Variants in MAP3K13 observed in about 807,000 individuals in gnomAD.
MAP3K13 encodes the protein mitogen-activated protein kinase kinase kinase 13.
In MAP3K13, 52 loss-of-function variants were observed where a neutral mutation model predicts 104.0. That is an observed-to-expected ratio of 0.50 (90% CI 0.40 to 0.63). The LOEUF (loss-of-function observed/expected upper bound fraction) is 0.63, where lower values mean the gene tolerates loss of function less well. MAP3K13 is among the 20% of genes least tolerant of loss of function. MAP3K13 has a pLI of 0.00. For missense variants in MAP3K13, 914 were observed against 1,218.5 expected, an observed-to-expected ratio of 0.75 and a Z score of 3.72; for synonymous variants, 394 against 442.2, an observed-to-expected ratio of 0.89 and a Z score of 1.37.
intron 2 of MAP3K13, among the ~76,000 whole-genome samples, chr3:185,313,294 G>C (rs1192499315): frequency 6.9e-6 from 1 of 144,534 alleles, no homozygotes; most frequent in Non-Finnish European, 1.5e-5. Flanking sequence ...TTTTGAAATG[G>C]AGTCGCACTC....
intron 2 of MAP3K13, among the ~76,000 whole-genome samples, chr3:185,328,365 T>C (rs1444171582): frequency 6.6e-6 from 1 of 152,170 alleles, no homozygotes; most frequent in Non-Finnish European, 1.5e-5. Context: ...AAAAGGAGCC[T>C]CAGCCTCCCG....
intron 1 of MAP3K13, among the ~76,000 whole-genome samples, chr3:185,395,722 T>A (rs1712373052): frequency 6.6e-6 from 1 of 151,396 alleles, no homozygotes; most frequent in African/African-American, 2.4e-5. Context: ...TCTTGCTGTG[T>A]CACTCAGGCT....
chr3:185,429,926 G>T (rs1054619868), intron 2 of MAP3K13, among the ~76,000 whole-genome samples: 1 of 152,124 alleles, frequency 6.6e-6, no homozygotes, highest in African/African-American at 2.4e-5. Context: ...TTTGTTGGGC[G>T]TGGTGGCTCA....
Position 185,418,015 on chromosome 3 carries a change from C to T in MAP3K13, c.-85-10482C>T. ...CAATTCATCTAACTTCCGGAAAGCA[C>T]TTTCAGTCCAAATGCAGAAACGTCC... On this transcript the variant is annotated intron_variant, in intron 1 of 13. Coordinates refer to ENST00000265026, the MANE Select transcript of MAP3K13 (RefSeq NM_004721.5). This position sits in a 1 kb window ranked among gnomAD's most constrained non-coding sequence, Gnocchi z 4.5. 1 of 1,611,710 alleles carries T rather than the reference C, an allele frequency of 6.2e-7. No individual in the cohort carries two copies. Among genetic ancestry groups the T allele is most frequent in the Non-Finnish European group, 8.5e-7 (1 of 1,179,526 alleles).
chr3:185,350,990 A>G (rs1167725191), intron 2 of MAP3K13, among the ~76,000 whole-genome samples: 1 of 152,246 alleles, frequency 6.6e-6, no homozygotes, highest in Non-Finnish European at 1.5e-5. Context: ...CTAGATAAAG[A>G]AAATGTGGTA....
intron 12 of MAP3K13, 118 bp from the exon 13 acceptor site, chr3:185,480,114 G>C: frequency 1.1e-6 from 1 of 907,302 alleles, no homozygotes; most frequent in Non-Finnish European, 1.7e-6. Context: ...TGATTTCTTA[G>C]GCCTCCTTGA....
At chr3:185,326,251 A>C (rs965171347) in intron 2 of MAP3K13, among the ~76,000 whole-genome samples, 1 of 152,146 alleles carries the variant, frequency 6.6e-6, no homozygotes, top group Non-Finnish European at 1.5e-5. Flanking sequence ...TTGCAACTCC[A>C]GGGGAAAGTG....
In MAP3K13 at chr3:185,454,035, AT is replaced by A. The variant is rs1246242337; in HGVS notation, c.1278+2641del. 1.1e-3 allele frequency among the ~76,000 whole-genome samples: 6 copies of A among 5,604 alleles called. 1 individual carries two copies. In the East Asian group the frequency reaches 0.017, roughly 16 times the overall value. 3.7% of individuals were successfully genotyped at this position (5,604 alleles called of 152,430 possible). A position where few individuals can be genotyped will look rare whatever the true frequency, so the allele number is the denominator to read the frequency against. On this transcript the variant is annotated intron_variant, in intron 7 of 13. Coordinates refer to ENST00000265026, the MANE Select transcript of MAP3K13 (RefSeq NM_004721.5). Reference sequence around the variant, plus strand: ...TATATATATGATACATATATATGAGATATATATATGATACATATATATGAGA... The same window carrying A: ...TATATATATGATACATATATATGAGAATATATATGATACATATATATGAGA...
At chr3:185,353,273 A>G (rs1196330776) in intron 2 of MAP3K13, among the ~76,000 whole-genome samples, 1 of 152,236 alleles carries the variant, frequency 6.6e-6, no homozygotes, top group Non-Finnish European at 1.5e-5. Context: ...GGCAGCCCCC[A>G]GAATCACAGC....
intron 2 of MAP3K13, among the ~76,000 whole-genome samples, chr3:185,338,060 G>A (rs913997713): frequency 2.0e-5 from 3 of 152,042 alleles, no homozygotes; most frequent in Admixed American, 6.6e-5. Context: ...CAGTCGCAGC[G>A]GCTCACACCT....
At chr3:185,373,534 C>A (rs1350940161) in intron 1 of MAP3K13, among the ~76,000 whole-genome samples, 1 of 152,088 alleles carries the variant, frequency 6.6e-6, no homozygotes, top group Non-Finnish European at 1.5e-5. Context: ...CCCAGCTACT[C>A]AAGAGGCCGA....
rs13319695 is a variant in MAP3K13, at chr3:185,293,432, G to T, written c.-86+7789G>T. On this transcript the variant is annotated intron_variant, in intron 2 of 14. Transcript: ENST00000424227. ...GGCCTCTTTTTCTTTTTGAGACAGG[G>T]TCTCACTTTATCACCCAGGCTGGAG... Among the ~76,000 whole-genome samples the T allele has an allele frequency of 5.1e-3, 772 of 151,998 alleles. 5 individuals are homozygous for T. The highest frequency in any genetic ancestry group is 0.017 in the African/African-American group (695 of 41,458).
intron 7 of MAP3K13, among the ~76,000 whole-genome samples, chr3:185,453,201 A>G (rs553918041): frequency 6.6e-6 from 1 of 152,322 alleles, no homozygotes; most frequent in Admixed American, 6.5e-5. Flanking sequence ...ATCCTGAATT[A>G]TAGCTGTATG....
intron 2 of MAP3K13, among the ~76,000 whole-genome samples, chr3:185,288,012 G>A (rs1397820248): frequency 6.6e-6 from 1 of 152,178 alleles, no homozygotes; most frequent in Non-Finnish European, 1.5e-5. Context: ...ACTCCATCCT[G>A]GGCAAACTTG....
chr3:185,378,332 A>C (rs964059936), intron 1 of MAP3K13, among the ~76,000 whole-genome samples: 2 of 152,162 alleles, frequency 1.3e-5, no homozygotes, highest in African/African-American at 2.4e-5. Context: ...TTGCTGCCAA[A>C]CGGGCCATGA....
chr3:185,432,064 T>C (rs4687346), intron 2 of MAP3K13, among the ~76,000 whole-genome samples: 12,032 of 152,192 alleles, frequency 0.079, 825 homozygotes, highest in East Asian at 0.22. Flanking sequence ...AAATTAGTTG[T>C]TTTTTGCTAA....
At chr3:185,354,917 A>T (rs1424447913) in intron 2 of MAP3K13, among the ~76,000 whole-genome samples, 3 of 152,190 alleles carry the variant, frequency 2.0e-5, no homozygotes, top group Non-Finnish European at 4.4e-5. Flanking sequence ...GTTAACAGGT[A>T]ATGGATAGAA....
At chr3:185,454,371 A>G (rs1716137053) in intron 7 of MAP3K13, among the ~76,000 whole-genome samples, 1 of 113,606 alleles carries the variant, frequency 8.8e-6, no homozygotes, top group Non-Finnish European at 1.7e-5. Flanking sequence ...TATGAGATAT[A>G]TATATGAGAT....
intron 4 of MAP3K13, among the ~76,000 whole-genome samples, chr3:185,444,134 A>C (rs944857559): frequency 1.3e-5 from 2 of 152,174 alleles, no homozygotes; most frequent in Admixed American, 6.5e-5. Flanking sequence ...CAGGAGTTTG[A>C]GACCAGCCTG....
Sources: allele counts gnomAD v4.1 joint callset (sites outside exome capture counted in the v4.1 genomes callset), GRCh38; gene constraint gnomAD v4.1.1; non-coding constraint Gnocchi (gnomAD v3.1); transcripts MANE v1.5; gene names NCBI Gene and HGNC (gene_info 2026-07-23, HGNC 2026-07-21).